The following PHF24 variants were observed in gnomAD, a reference collection of about 807,000 sequenced individuals.
PHF24 encodes the protein PHD finger protein 24, also known as Galpha inhibitory interacting protein.
In PHF24, 25 loss-of-function variants were observed where a neutral mutation model predicts 42.6. That is an observed-to-expected ratio of 0.59 (90% CI 0.43 to 0.82). The LOEUF (loss-of-function observed/expected upper bound fraction) is 0.82, where lower values mean the gene tolerates loss of function less well. PHF24 is among the 40% of genes least tolerant of loss of function. The pLI, the probability that PHF24 is intolerant of heterozygous loss-of-function variation, is 0.00. For missense variants in PHF24, 470 were observed against 538.1 expected (o/e 0.87, Z 1.25); for synonymous variants, 185 against 204.8 (o/e 0.90, Z 0.83).
At chr9:34,803,938 A>G in the PHF24 span, among the ~76,000 whole-genome samples, 1 of 152,156 alleles carries the variant, frequency 6.6e-6, no homozygotes, top group Non-Finnish European at 1.5e-5. Flanking sequence ...GATTTTTCAT[A>G]TAGATGCTAA....
chr9:34,720,820 G>A, the PHF24 span, among the ~76,000 whole-genome samples: 2 of 152,166 alleles, frequency 1.3e-5, no homozygotes, highest in Non-Finnish European at 1.5e-5. Context: ...AGCACCTGCT[G>A]CACAGATATC....
At chr9:34,875,907 TACACACACACACACAC>T in the PHF24 span, among the ~76,000 whole-genome samples, 548 of 115,852 alleles carry the variant, frequency 4.7e-3, 9 homozygotes, top group South Asian at 9.7e-3. Context: ...CTCTCTCTCT[TACACACACACACACAC>T]ACACACACAC....
At chr9:34,848,629 T>C in the PHF24 span, among the ~76,000 whole-genome samples, 1 of 151,818 alleles carries the variant, frequency 6.6e-6, no homozygotes, top group African/African-American at 2.4e-5. Context: ...TAGTTATTTC[T>C]TGCCTTCTGC....
At chr9:34,922,535 C>G in the PHF24 span, 5 of 1,010,046 alleles carry the variant, frequency 5.0e-6, no homozygotes, top group East Asian at 1.2e-4. Flanking sequence ...CAACCTCAGC[C>G]AAGTAATGGT....
the PHF24 span, among the ~76,000 whole-genome samples, chr9:34,701,024 G>A: frequency 1.3e-5 from 2 of 152,130 alleles, no homozygotes; most frequent in Non-Finnish European, 2.9e-5. The surrounding 1 kb of genome is among the most constrained non-coding windows in gnomAD (Gnocchi z 5.8). Flanking sequence ...TACGTGCTTC[G>A]CCTTGTTCAC....
chr9:34,815,477 C>T, the PHF24 span, among the ~76,000 whole-genome samples: 2 of 152,176 alleles, frequency 1.3e-5, no homozygotes, highest in African/African-American at 2.4e-5. Context: ...CGCCCGCCAC[C>T]ACGCCCAGCT....
chr9:34,679,795 G>A, the PHF24 span, among the ~76,000 whole-genome samples: 8 of 152,206 alleles, frequency 5.3e-5, no homozygotes, highest in Non-Finnish European at 1.2e-4. Flanking sequence ...AGTCCTACAA[G>A]CACAACTACC....
the PHF24 span, among the ~76,000 whole-genome samples, chr9:34,831,446 C>G: frequency 6.6e-6 from 1 of 152,104 alleles, no homozygotes; most frequent in Admixed American, 6.5e-5. Context: ...TTGACAGGCT[C>G]ACATATGTTT....
chr9:34,892,862 A>G, the PHF24 span: 2 of 699,352 alleles, frequency 2.9e-6, no homozygotes, highest in East Asian at 5.4e-5. Flanking sequence ...TGACTGGGTT[A>G]AAGATTTCTG....
the PHF24 span, among the ~76,000 whole-genome samples, chr9:34,776,007 T>C: frequency 6.6e-6 from 1 of 152,188 alleles, no homozygotes; most frequent in African/African-American, 2.4e-5. Context: ...CCACATACTG[T>C]ATGATTCCAC....
intron 1 of PHF24, among the ~76,000 whole-genome samples, chr9:34,970,494 C>T (rs1826935580): frequency 6.6e-6 from 1 of 152,088 alleles, no homozygotes; most frequent in South Asian, 2.1e-4. Flanking sequence ...GTGACCTTGA[C>T]CACATGGATA....
chr9:34,794,265 C>G, the PHF24 span, among the ~76,000 whole-genome samples: 1 of 152,142 alleles, frequency 6.6e-6, no homozygotes, highest in Admixed American at 6.6e-5. Context: ...AACAACTGAA[C>G]TGACATGGAA....
chr9:34,724,330 C>T, the PHF24 span: 1 of 1,551,214 alleles, frequency 6.4e-7, no homozygotes, highest in Non-Finnish European at 8.7e-7. Context: ...GCTGCACTGC[C>T]TTCAAGTCAT....
At chr9:34,691,235 CA>C in the PHF24 span, 1 of 1,088,230 alleles carries the variant, frequency 9.2e-7, no homozygotes, top group Middle Eastern at 2.2e-4. Flanking sequence ...GACTGGGATG[CA>C]GGGGTGAAAT....
chr9:34,951,740 A>G, the PHF24 span, among the ~76,000 whole-genome samples: 2 of 152,268 alleles, frequency 1.3e-5, no homozygotes, highest in Admixed American at 1.3e-4. Flanking sequence ...AATTTGTTAC[A>G]GCAGCAATAG....
the PHF24 span, chr9:34,918,029 C>A: frequency 7.9e-7 from 1 of 1,265,204 alleles, no homozygotes; most frequent in Non-Finnish European, 1.2e-6. Flanking sequence ...AGTACCACAT[C>A]TGTGCCTGTG....
At chr9:34,667,564 A>G in the PHF24 span, among the ~76,000 whole-genome samples, 2 of 152,214 alleles carry the variant, frequency 1.3e-5, no homozygotes, top group African/African-American at 4.8e-5. Flanking sequence ...TTGGTTCCCC[A>G]GGCCAGGGCT....
At chr9:34,911,330 C>G in the PHF24 span, among the ~76,000 whole-genome samples, 1 of 152,140 alleles carries the variant, frequency 6.6e-6, no homozygotes, top group East Asian at 1.9e-4. Context: ...TCTTGGCTCA[C>G]TGCAACCTCC....
chr9:34,782,374 T>C, the PHF24 span, among the ~76,000 whole-genome samples: 1 of 152,146 alleles, frequency 6.6e-6, no homozygotes, highest in African/African-American at 2.4e-5. Context: ...AATTCATTAG[T>C]TCACTCCATC....
Sources: allele counts gnomAD v4.1 joint callset (sites outside exome capture counted in the v4.1 genomes callset), GRCh38; gene constraint gnomAD v4.1.1; non-coding constraint Gnocchi (gnomAD v3.1); transcripts MANE v1.5; gene names NCBI Gene and HGNC (gene_info 2026-07-23, HGNC 2026-07-21).